SLC24A4: variants seen among roughly 807,000 people sequenced by gnomAD.
SLC24A4 encodes the protein sodium/potassium/calcium exchanger 4.
SLC24A4 carries 53 observed loss-of-function variants against 79.0 expected under a neutral mutation model. The ratio of observed to expected loss-of-function variants is 0.67; its 90% confidence interval spans 0.54 to 0.84. The LOEUF is 0.84. SLC24A4 is among the 40% of genes least tolerant of loss of function. The pLI is 0.00. For missense variants in SLC24A4, 731 were observed against 822.0 expected (o/e 0.89, Z 1.35); for synonymous variants, 323 against 323.8 (o/e 1.00, Z 0.03).
At chr14:92,395,775 T>C (rs1889738978) in intron 2 of SLC24A4, among the ~76,000 whole-genome samples, 1 of 152,156 alleles carries the variant, frequency 6.6e-6, no homozygotes, top group East Asian at 1.9e-4. Context: ...TAGGGGTGTA[T>C]ACCTTCTGGT....
Position 92,494,855 on chromosome 14 carries a change from A to G in SLC24A4, c.*1227A>G, listed in dbSNP as rs1895868626. ...GAATGGGAGGCTGACTCAAAACTAGATAGAAAAATATAAAATAATCTTCGA... is the reference window on the plus strand; with the variant it reads ...GAATGGGAGGCTGACTCAAAACTAGGTAGAAAAATATAAAATAATCTTCGA... On this transcript the variant is annotated 3_prime_UTR_variant, in exon 17 of 17. Transcript: ENST00000532405. This position sits in a 1 kb window ranked among gnomAD's most constrained non-coding sequence, Gnocchi z 4.6. The G allele has an allele frequency of 6.5e-6, 1 of 152,688 alleles. No individual in the cohort carries two copies. 9.5% of individuals were successfully genotyped at this position (152,688 alleles called of 1,614,324 possible).
chr14:92,393,888 G>A (rs1889628165), intron 2 of SLC24A4, among the ~76,000 whole-genome samples: 1 of 152,126 alleles, frequency 6.6e-6, no homozygotes, highest in South Asian at 2.1e-4. Context: ...GCAGGCACCT[G>A]TAATCCCAGC....
chr14:92,423,882 C>T (rs1454993537), intron 2 of SLC24A4, among the ~76,000 whole-genome samples: 4 of 152,218 alleles, frequency 2.6e-5, no homozygotes, highest in Non-Finnish European at 5.9e-5. Flanking sequence ...AAGTAGAACA[C>T]ACTGGGTGAC....
chr14:92,372,774 G>C (rs775426632), intron 2 of SLC24A4, among the ~76,000 whole-genome samples: 9 of 152,042 alleles, frequency 5.9e-5, no homozygotes, highest in Non-Finnish European at 1.3e-4. Flanking sequence ...TGGAGATGAT[G>C]TTGACCTCCA....
chr14:92,448,378 AC>A (rs1892929097), intron 9 of SLC24A4, among the ~76,000 whole-genome samples: 2 of 151,762 alleles, frequency 1.3e-5, no homozygotes, highest in Admixed American at 1.3e-4. Flanking sequence ...ACACACACAC[AC>A]AAATCCCTAC....
intron 2 of SLC24A4, among the ~76,000 whole-genome samples, chr14:92,383,563 T>A (rs1201125730): frequency 6.6e-6 from 1 of 151,984 alleles, no homozygotes; most frequent in Non-Finnish European, 1.5e-5. Flanking sequence ...TGCACTTAAA[T>A]CCCCCCTGGC....
chr14:92,358,651 A>G (rs1595159947), intron 2 of SLC24A4, among the ~76,000 whole-genome samples: 1 of 137,404 alleles, frequency 7.3e-6, no homozygotes, highest in Middle Eastern at 4.1e-3. Context: ...TTTCTTCACC[A>G]CCTATCTGAC....
intron 2 of SLC24A4, among the ~76,000 whole-genome samples, chr14:92,428,953 A>G (rs8015272): frequency 0.58 from 88,122 of 152,062 alleles, 25,950 homozygotes; most frequent in East Asian, 0.82. Flanking sequence ...GATTCCATTG[A>G]TATGGTGCTC....
chr14:92,432,664 G>A (rs890144811), intron 2 of SLC24A4, among the ~76,000 whole-genome samples: 6 of 152,188 alleles, frequency 3.9e-5, no homozygotes, highest in Non-Finnish European at 8.8e-5. Context: ...GAGATGTGAG[G>A]GAAGCGAAAG....
At chr14:92,412,043 C>T (rs912623123) in intron 2 of SLC24A4, among the ~76,000 whole-genome samples, 14 of 152,156 alleles carry the variant, frequency 9.2e-5, no homozygotes, top group Non-Finnish European at 2.1e-4. Context: ...GGATCAGGAT[C>T]GGCTCATCTC....
chr14:92,367,334 C>T (rs1887905742), intron 2 of SLC24A4, among the ~76,000 whole-genome samples: 1 of 152,206 alleles, frequency 6.6e-6, no homozygotes, highest in African/African-American at 2.4e-5. Flanking sequence ...ACTCACTTAA[C>T]TCATGCTAAG....
chr14:92,495,279 C>T lies in SLC24A4; in HGVS notation c.*1651C>T, dbSNP rs1391967022. ...TGTTCGTGCTTGTGTCCCTGAAGTTCCCTGTTGCATGAGCCTGCGACAGGA... is the reference window on the plus strand; with the variant it reads ...TGTTCGTGCTTGTGTCCCTGAAGTTTCCTGTTGCATGAGCCTGCGACAGGA... On this transcript the variant is annotated 3_prime_UTR_variant, in exon 17 of 17. Transcript: ENST00000532405. The T allele has an allele frequency of 6.6e-6, 1 of 152,206 alleles. No individual in the cohort carries two copies. The highest frequency in any genetic ancestry group is 1.5e-5 in the Non-Finnish European group (1 of 68,060). 9.4% of individuals were successfully genotyped at this position (152,206 alleles called of 1,614,324 possible).
At position 92,443,425 on chromosome 14, in the gene SLC24A4, T is replaced by C. The variant is rs1438780688; in HGVS notation, c.608T>C (p.Val203Ala). The C allele has an allele frequency of 2.5e-6, 4 of 1,614,124 alleles. No homozygotes were observed. In the South Asian group the frequency reaches 4.4e-5, roughly 18 times the overall value. Residue 203 changes from valine (V) to alanine (A), a missense_variant, in exon 7 of 17, where the codon GTG (valine) becomes GCG (alanine). By Grantham distance (64) the Val-to-Ala change is moderately conservative (BLOSUM62 0). Coordinates refer to ENST00000532405, the MANE Select transcript of SLC24A4 (RefSeq NM_153646.4). Reference protein sequence around the residue: ...GQVVRLTWWAVCRDSVYYTIS... With the variant: ...GQVVRLTWWAACRDSVYYTIS... ...GTGGTCCGTCTGACGTGGTGGGCCG[T>C]GTGCCGAGACTCCGTGTACTACACC...
At chr14:92,476,016 G>A (rs902037166) in intron 12 of SLC24A4, among the ~76,000 whole-genome samples, 10 of 152,260 alleles carry the variant, frequency 6.6e-5, no homozygotes, top group Admixed American at 4.6e-4. Flanking sequence ...GATGGGGGTG[G>A]ATGTTGAAAC....
intron 2 of SLC24A4, among the ~76,000 whole-genome samples, chr14:92,397,166 C>T (rs1034668729): frequency 6.6e-6 from 1 of 152,176 alleles, no homozygotes; most frequent in Non-Finnish European, 1.5e-5. Context: ...CTCAGTTGCT[C>T]TGACGTTGGA....
chr14:92,329,900 C>T (rs1442277505), intron 2 of SLC24A4, among the ~76,000 whole-genome samples: 1 of 152,224 alleles, frequency 6.6e-6, no homozygotes, highest in Non-Finnish European at 1.5e-5. Flanking sequence ...TCTTTTGTGG[C>T]CAGAAGAGCT....
At chr14:92,455,838 T>C (rs932929929) in intron 11 of SLC24A4, among the ~76,000 whole-genome samples, 1 of 152,050 alleles carries the variant, frequency 6.6e-6, no homozygotes, top group South Asian at 2.1e-4. Flanking sequence ...GTAGCTGGGA[T>C]TACGGGGGCC....
At chr14:92,405,480 G>A (rs61975656) in intron 2 of SLC24A4, among the ~76,000 whole-genome samples, 11,901 of 152,208 alleles carry the variant, frequency 0.078, 517 homozygotes, top group Non-Finnish European at 0.093. Flanking sequence ...TTTGCAGGGT[G>A]TATTAGTCTA....
intron 12 of SLC24A4, among the ~76,000 whole-genome samples, chr14:92,468,598 A>G (rs1460454275): frequency 2.0e-5 from 3 of 152,226 alleles, no homozygotes; most frequent in African/African-American, 7.2e-5. Flanking sequence ...CCTGAAATGC[A>G]CCTTTACATT....
Sources: allele counts gnomAD v4.1 joint callset (sites outside exome capture counted in the v4.1 genomes callset), GRCh38; gene constraint gnomAD v4.1.1; non-coding constraint Gnocchi (gnomAD v3.1); transcripts MANE v1.5; gene names NCBI Gene and HGNC (gene_info 2026-07-23, HGNC 2026-07-21).